PROSER3: variants seen among roughly 807,000 people sequenced by gnomAD.
The protein encoded by PROSER3 is proline and serine-rich protein 3.
In PROSER3, 33 loss-of-function variants were observed where a neutral mutation model predicts 50.2. The observed-to-expected ratio is 0.66, with a 90% CI of 0.50 to 0.88. The LOEUF (loss-of-function observed/expected upper bound fraction) is 0.88, where lower values mean the gene tolerates loss of function less well. Among genes scored for constraint, PROSER3 ranks in the 40% least tolerant of loss-of-function variants. The pLI is 0.00. For synonymous variants in PROSER3, 266 were observed against 259.3 expected (o/e 1.03, Z -0.25); for missense variants, 623 against 612.7 (o/e 1.02, Z -0.18).
At chr19:35,770,984 G>A (rs534766902), downstream of PROSER3, 1 of 152,068 alleles carries the variant, frequency 6.6e-6, no homozygotes, top group South Asian at 2.1e-4. Flanking sequence ...TTCATTGTAT[G>A]TAAAGTTTAC....
chr19:35,767,928 C>T, exon 9 of PROSER3: 1 of 1,612,192 alleles, frequency 6.2e-7, no homozygotes, highest in Non-Finnish European at 8.5e-7. Flanking sequence ...GCTGAGCAGG[C>T]AACCACAGTC....
At position 35,767,086 on chromosome 19, in the gene PROSER3, A is replaced by G. The variant is rs1434461577; in HGVS notation, c.957+131A>G. The G allele has an allele frequency of 6.8e-6, 8 of 1,169,930 alleles. No individual in the cohort carries two copies. The Admixed American group carries it at 2.3e-4, about 34-fold the overall frequency. 72.5% of individuals were successfully genotyped at this position (1,169,930 alleles called of 1,614,324 possible). A position where few individuals can be genotyped will look rare whatever the true frequency, so the allele number is the denominator to read the frequency against. On this transcript the variant is annotated intron_variant, in intron 8 of 10. Coordinates refer to ENST00000396908, the Ensembl canonical transcript of PROSER3. ...TCTGTCTACAGACCTCTCCTGCTCC[A>G]GTGGAGACCCTCAGTTCTCTGGGGA... is the stretch of plus-strand genomic sequence containing the variant.
chr19:35,759,655 C>T (rs796384553), intron 2 of PROSER3, 134 bp from the exon 3 acceptor site: 51 of 1,033,358 alleles, frequency 4.9e-5, no homozygotes, highest in Admixed American at 9.3e-5. Flanking sequence ...GAGCCCCCAT[C>T]ACACTAGGTT....
exon 11 of PROSER3, chr19:35,768,662 A>C: frequency 7.6e-7 from 1 of 1,307,906 alleles, no homozygotes; most frequent in Non-Finnish European, 1.0e-6. Context: ...AATTTAAGGA[A>C]ATGCCCCCCA....
At chr19:35,758,256 A>C in intron 1 of PROSER3, 30 bp downstream of exon 1, 1 of 1,560,458 alleles carries the variant, frequency 6.4e-7, no homozygotes, top group Non-Finnish European at 8.7e-7. Context: ...CAGGGACTAC[A>C]GGAGGCTGGG....
rs57901537 is a variant in PROSER3, at chr19:35,767,008, G to C, written c.957+53G>C. 1.9e-3 allele frequency: 2,780 copies of C among 1,487,804 alleles called. 46 individuals carry two copies. The African/African-American group carries it at 0.037, about 20-fold the overall frequency. The allele number at this position is 1,487,804 out of a possible 1,614,324, so 92.2% of individuals were successfully genotyped here. On this transcript the variant is annotated intron_variant, in intron 8 of 10. Coordinates refer to ENST00000396908, the Ensembl canonical transcript of PROSER3. ...GGGAGCTGGAGGAGGGGCTGGGTCT[G>C]AGGGGGACTGAGGACCCTCCACCCT...
chr19:35,770,861 CTCTG>C (rs1183580823), downstream of PROSER3: 1 of 149,372 alleles, frequency 6.7e-6, no homozygotes, highest in African/African-American at 2.5e-5. Flanking sequence ...TTCTCTCTCT[CTCTG>C]ACACTTGCTT....
exon 9 of PROSER3, chr19:35,767,820 C>T (rs73592448): frequency 0.093 from 150,048 of 1,612,750 alleles, 7,554 homozygotes; most frequent in South Asian, 0.11. Context: ...TCTCTGAAAG[C>T]CAAGGCCTTG....
exon 4 of PROSER3, chr19:35,762,047 C>T (rs773790981): frequency 6.2e-7 from 1 of 1,610,164 alleles, no homozygotes; most frequent in South Asian, 1.1e-5. Flanking sequence ...CCAGGCTCAG[C>T]CCACCAGTCG....
At chr19:35,764,525 G>A (rs1178007300) in intron 5 of PROSER3, among the ~76,000 whole-genome samples, 2 of 152,082 alleles carry the variant, frequency 1.3e-5, no homozygotes, top group African/African-American at 2.4e-5. Flanking sequence ...GCGTGGTGGC[G>A]CATGCCTGTA....
chr19:35,769,322 T>TTC (rs1218319522), downstream of PROSER3: 1 of 151,250 alleles, frequency 6.6e-6, no homozygotes, highest in African/African-American at 2.4e-5. Flanking sequence ...TTTTTTTTTT[T>TTC]TGGATGGAGT....
At chr19:35,767,806 C>T (rs1190503132) in exon 9 of PROSER3, 8 of 1,611,478 alleles carry the variant, frequency 5.0e-6, no homozygotes, top group South Asian at 3.3e-5. Context: ...GGGCCAAGGC[C>T]GAGTCTCTGA....
downstream of PROSER3, among the ~76,000 whole-genome samples, chr19:35,770,136 C>A (rs1212683268): frequency 6.6e-6 from 1 of 152,134 alleles, no homozygotes; most frequent in Non-Finnish European, 1.5e-5. Context: ...AACTCATGAC[C>A]TCGTGATCCT....
chr19:35,767,561 A>G (rs1971196693), intron 8 of PROSER3: 2 of 554,448 alleles, frequency 3.6e-6, no homozygotes, highest in South Asian at 4.6e-5. Flanking sequence ...GTCTCGGAGG[A>G]GCAGAGCCCC....
At chr19:35,764,094 TTC>T (rs1971057888) in intron 5 of PROSER3, among the ~76,000 whole-genome samples, 1 of 151,976 alleles carries the variant, frequency 6.6e-6, no homozygotes. Context: ...GCCTCTGTGC[TTC>T]TCTTTTTTTG....
intron 7 of PROSER3, 88 bp from the exon 8 acceptor site, chr19:35,766,680 C>A: frequency 1.1e-6 from 1 of 907,558 alleles, no homozygotes. Flanking sequence ...ACCCCCTGCA[C>A]AGTTGGAGGG....
intron 5 of PROSER3, among the ~76,000 whole-genome samples, chr19:35,763,813 T>C (rs1395063357): frequency 6.7e-6 from 1 of 150,270 alleles, no homozygotes; most frequent in Non-Finnish European, 1.5e-5. Flanking sequence ...GCCTTCTTTT[T>C]TTTTTTTTTT....
At chr19:35,758,447 C>T in intron 1 of PROSER3, 2 of 481,454 alleles carry the variant, frequency 4.2e-6, no homozygotes, top group Non-Finnish European at 7.2e-6. Flanking sequence ...TGAGTGGGCC[C>T]CAAGGAATTA....
At chr19:35,769,273 A>G (rs541666670), downstream of PROSER3, 3 of 150,388 alleles carry the variant, frequency 2.0e-5, no homozygotes, top group East Asian at 1.9e-4. Context: ...GGAGTTTCCA[A>G]TCTTTCCCCC....
Sources: allele counts gnomAD v4.1 joint callset (sites outside exome capture counted in the v4.1 genomes callset), GRCh38; gene constraint gnomAD v4.1.1; transcripts MANE v1.5; gene names NCBI Gene and HGNC (gene_info 2026-07-23, HGNC 2026-07-21).